The following AMIGO2 variants were observed in gnomAD, a reference collection of about 807,000 sequenced individuals.
AMIGO2 encodes the protein amphoterin-induced protein 2.
AMIGO2 carries 15 observed loss-of-function variants against 23.7 expected under a neutral mutation model. The ratio of observed to expected loss-of-function variants is 0.63; its 90% confidence interval spans 0.42 to 0.98. The LOEUF (loss-of-function observed/expected upper bound fraction) is 0.98, where lower values mean the gene tolerates loss of function less well. AMIGO2 is among the 50% of genes least tolerant of loss of function. The pLI is 0.00. For synonymous variants in AMIGO2, 264 were observed against 252.3 expected, an observed-to-expected ratio of 1.05 and a Z score of -0.44; for missense variants, 561 against 633.1, an observed-to-expected ratio of 0.89 and a Z score of 1.22.
downstream of AMIGO2, chr12:47,076,264 G>A (rs1941854269): frequency 6.6e-6 from 1 of 152,162 alleles, no homozygotes; most frequent in Non-Finnish European, 1.5e-5. Flanking sequence ...TTGCCTCAAA[G>A]CAGAGACAGG....
chr12:47,078,363 A>C lies in AMIGO2; in HGVS notation c.640T>G (p.Leu214Val), dbSNP rs750585684. The part of the protein sequence containing the change: ...IPSMPMHHIN[L>V]VPGKQLRGIY... ...CCTCTCAGCTGTTTTCCTGGCACTA[A>C]ATTTATGTGGTGCATTGGCATGGAA... The change falls in exon 3 of 3, where the codon TTA becomes GTA. Residue 214 changes from leucine (L) to valine (V), a missense_variant. Coordinates refer to ENST00000550413, the MANE Select transcript of AMIGO2 (RefSeq NM_001370299.1). The C allele has an allele frequency of 6.2e-7, 1 of 1,613,942 alleles. No homozygotes were observed. The highest frequency in any genetic ancestry group is 8.5e-7 in the Non-Finnish European group (1 of 1,180,024).
rs778412775 is a variant in AMIGO2 at position 47,078,885 on chromosome 12, C to T, written c.118G>A (p.Val40Met). 6.2e-6 allele frequency: 10 copies of T among 1,614,060 alleles called. No individual in the cohort carries two copies. The highest frequency in any genetic ancestry group is 2.2e-5 in the East Asian group (1 of 44,894). Reference protein sequence around the residue: ...TVTVGPGASGVCPTACICATD... With the variant: ...TVTVGPGASGMCPTACICATD... ...GCACAGATGCAAGCGGTGGGGCACA[C>T]CCCAGAGGCACCAGGGCCCACAGTC... Residue 40 changes from valine to methionine, a missense_variant, in exon 3 of 3, where the codon GTG (valine) becomes ATG (methionine). Physicochemically the swap from Val to Met is conservative, Grantham distance 21 (BLOSUM62 1). Transcript: ENST00000550413.
At chr12:47,076,374 T>C (rs1005359627), downstream of AMIGO2, 1 of 152,424 alleles carries the variant, frequency 6.6e-6, no homozygotes, top group South Asian at 2.1e-4. Flanking sequence ...TAAAACGTCA[T>C]ACGGAAGGTA....
At position 47,079,213 on chromosome 12, in the gene AMIGO2, T is replaced by C; in HGVS notation, c.-135A>G. The C allele has an allele frequency of 1.7e-6, 1 of 582,348 alleles. No individual in the cohort carries two copies. Among genetic ancestry groups the C allele is most frequent in the Non-Finnish European group, 2.8e-6 (1 of 357,322 alleles). 36.1% of individuals were successfully genotyped at this position (582,348 alleles called of 1,614,324 possible). A position where few individuals can be genotyped will look rare whatever the true frequency, so the allele number is the denominator to read the frequency against. ...AGGGAGCTCTGTGTTGCCTCTTCAC[T>C]GTTAAATGTATTTTTTCCTCTTTCC... On this transcript the variant is annotated 5_prime_UTR_variant, in exon 2 of 3. Transcript: ENST00000550413.
rs1470934096 is a variant in AMIGO2 at position 47,079,220 on chromosome 12, T to C, written c.-142A>G. 2 of 563,122 alleles carry C rather than the reference T, an allele frequency of 3.6e-6. No homozygotes were observed. The highest frequency in any genetic ancestry group is 6.3e-5 in the East Asian group (2 of 31,848). 34.9% of individuals were successfully genotyped at this position (563,122 alleles called of 1,614,324 possible). A position where few individuals can be genotyped will look rare whatever the true frequency, so the allele number is the denominator to read the frequency against. On this transcript the variant is annotated 5_prime_UTR_variant, in exon 2 of 3. Coordinates refer to ENST00000550413, the MANE Select transcript of AMIGO2 (RefSeq NM_001370299.1). ...TCTGTGTTGCCTCTTCACTGTTAAA[T>C]GTATTTTTTCCTCTTTCCTGGGTTA...
At position 47,077,459 on chromosome 12, in the gene AMIGO2, TC is replaced by T; in HGVS notation, c.1543del (p.Asp515ThrfsTer20). The T allele has an allele frequency of 6.2e-7, 1 of 1,613,622 alleles. No individual in the cohort carries two copies. Among genetic ancestry groups the T allele is most frequent in the Non-Finnish European group, 8.5e-7 (1 of 1,179,588 alleles). On this transcript the variant is annotated frameshift_variant, in exon 3 of 3. Transcript: ENST00000550413. LOFTEE classifies it high-confidence loss of function. ...DSDSVNSVFSDTPFVAST is the reference protein window; with the variant it reads ...DSDSVNSVFSXTPFVAST ...TTAAGTGGACGCCACAAAAGGTGTG[TC>T]AGAAAACACTGAATTGACTGAATCT...
rs1204929829 is a variant in AMIGO2, at chr12:47,078,749, G to A, written c.254C>T (p.Ser85Phe). ...TGCAAACGATACTGGAATCCACTCA[G>A]AATCCAGAAGCCCAATTCTGTTATA... ...LSYNRIGLLDSEWIPVSFAKL... is the reference protein window; with the variant it reads ...LSYNRIGLLDFEWIPVSFAKL... The change falls in exon 3 of 3, where the codon TCT (serine) becomes TTT (phenylalanine). Residue 85 changes from serine (S) to phenylalanine (F), a missense_variant. Transcript: ENST00000550413. The A allele has an allele frequency of 1.2e-6, 2 of 1,614,112 alleles. No homozygotes were observed. The highest frequency in any genetic ancestry group is 1.7e-6 in the Non-Finnish European group (2 of 1,180,056).
In AMIGO2 at chr12:47,077,737, G is replaced by A; in HGVS notation, c.1266C>T (p.Cys422=). 6.2e-7 allele frequency: 1 copy of A among 1,614,202 alleles called. No individual in the cohort carries two copies. Among genetic ancestry groups the A allele is most frequent in the Non-Finnish European group, 8.5e-7 (1 of 1,180,042 alleles). The stretch of plus-strand genomic sequence containing the variant: ...GTCTCTTGGTTTTACACTTGCAGGG[G>A]CATGGAGTCAGATAGAGGTACAAAA... The part of the protein sequence containing the change: ...LVLLYLYLTP[C]PCKCKTKRQK... The change falls in exon 3 of 3, where the codon TGC becomes TGT. Residue 422 remains cysteine (C), a synonymous_variant. Transcript: ENST00000550413.
At position 47,078,355 on chromosome 12, in the gene AMIGO2, T is replaced by C. The variant is rs1309357191; in HGVS notation, c.648A>G (p.Pro216=). 6.2e-7 allele frequency: 1 copy of C among 1,613,846 alleles called. No homozygotes were observed. The highest frequency in any genetic ancestry group is 8.5e-7 in the Non-Finnish European group (1 of 1,180,048). The change falls in exon 3 of 3, where the codon CCA becomes CCG. Residue 216 remains proline, a synonymous_variant. Transcript: ENST00000550413. ...GGTAGATGCCTCTCAGCTGTTTTCCTGGCACTAAATTTATGTGGTGCATTG... is the reference window on the plus strand; with the variant it reads ...GGTAGATGCCTCTCAGCTGTTTTCCCGGCACTAAATTTATGTGGTGCATTG... ...SMPMHHINLV[P]GKQLRGIYLH...
chr12:47,079,240 G>T lies in AMIGO2; in HGVS notation c.-162C>A. 2.1e-6 allele frequency: 1 copy of T among 481,380 alleles called. No homozygotes were observed. Among genetic ancestry groups the T allele is most frequent in the Non-Finnish European group, 3.5e-6 (1 of 282,496 alleles). The allele number at this position is 481,380 out of a possible 1,614,324, so 29.8% of individuals were successfully genotyped here. On this transcript the variant is annotated 5_prime_UTR_variant, in exon 2 of 3. Coordinates refer to ENST00000550413, the MANE Select transcript of AMIGO2 (RefSeq NM_001370299.1). ...TTAAATGTATTTTTTCCTCTTTCCT[G>T]GGTTAGTCCTGCTTATAAAAATGTA...
chr12:47,075,766 G>A (rs1003228338), downstream of AMIGO2: 1 of 152,098 alleles, frequency 6.6e-6, no homozygotes, highest in African/African-American at 2.4e-5. Flanking sequence ...ATTTTTCACT[G>A]TTGCCCACTC....
At chr12:47,079,313 A>T in intron 1 of AMIGO2, 65 bp from the exon 2 acceptor site, 1 of 261,128 alleles carries the variant, frequency 3.8e-6, no homozygotes, top group Non-Finnish European at 7.1e-6. Flanking sequence ...ACCATCAGAA[A>T]CTCAATTTTT....
rs750290860 is a variant in AMIGO2, at chr12:47,077,542, G to C, written c.1461C>G (p.Pro487=). ...TGCCCTCAGCTATCACTGCCTCGCT[G>C]GGAAAGAGCCTGACTTTCCCGTTCT... ...AGQNGKVRLF[P]SEAVIAEGIL... is the part of the protein sequence containing the mutation. Residue 487 remains proline, a synonymous_variant, in exon 3 of 3, where the codon CCC becomes CCG. Transcript: ENST00000550413. The C allele has an allele frequency of 6.2e-7, 1 of 1,614,074 alleles. No homozygotes were observed. The highest frequency in any genetic ancestry group is 8.5e-7 in the Non-Finnish European group (1 of 1,180,042).
Position 47,077,662 on chromosome 12 carries a change from AG to A in AMIGO2, c.1340del (p.Pro447LeufsTer26). On this transcript the variant is annotated frameshift_variant, in exon 3 of 3. Transcript: ENST00000550413. LOFTEE classifies it high-confidence loss of function. ...CAGCGGAGGCATCACTAGCGGGGCCAGGACTGAGAATCGATGAATGGGCATT... is the reference window on the plus strand; with the variant it reads ...CAGCGGAGGCATCACTAGCGGGGCCAGACTGAGAATCGATGAATGGGCATT... ...QSNAHSSILS[P>X]GPASDASADE... is the part of the protein sequence containing the mutation. 6.2e-7 allele frequency: 1 copy of A among 1,614,242 alleles called. No individual in the cohort carries two copies. The highest frequency in any genetic ancestry group is 8.5e-7 in the Non-Finnish European group (1 of 1,180,046).
Position 47,078,997 on chromosome 12 carries a change from C to A in AMIGO2, c.6G>T (p.Ser2=). The A allele has an allele frequency of 1.3e-6, 2 of 1,591,950 alleles. No homozygotes were observed. Among genetic ancestry groups the A allele is most frequent in the Admixed American group, 1.7e-5 (1 of 57,982 alleles). Residue 2 remains serine (S), a synonymous_variant, in exon 3 of 3, where the codon TCG becomes TCT. Transcript: ENST00000550413. ...GGGTGGGCAGAGTGTGTACACGTAA[C>A]GACATTATGGTCGCCTCTGAGTCTC... The part of the protein sequence containing the change: M[S]LRVHTLPTLL...
rs887030124 is a variant in AMIGO2 at position 47,077,755 on chromosome 12, G to A, written c.1248C>T (p.Tyr416=). 4 of 1,614,058 alleles carry A rather than the reference G, an allele frequency of 2.5e-6. No individual in the cohort carries two copies. In the Admixed American group the frequency reaches 6.7e-5, roughly 27 times the overall value. The change falls in exon 3 of 3, where the codon TAC becomes TAT. Residue 416 remains tyrosine, a synonymous_variant. Coordinates refer to ENST00000550413, the MANE Select transcript of AMIGO2 (RefSeq NM_001370299.1). Reference sequence around the variant, plus strand: ...TGCAGGGGCATGGAGTCAGATAGAGGTACAAAAGTACCAAAACGATACTGG... The same window carrying A: ...TGCAGGGGCATGGAGTCAGATAGAGATACAAAAGTACCAAAACGATACTGG... The part of the protein sequence containing the change: ...CVASIVLVLL[Y]LYLTPCPCKC...
chr12:47,079,916 C>G lies in AMIGO2; in HGVS notation c.-625G>C, dbSNP rs1277422644. On this transcript the variant is annotated 5_prime_UTR_variant, in exon 1 of 3. Transcript: ENST00000550413. ...GAGACGGGCTGGGGCGCCGGTCCCA[C>G]CCCTGCGCGTCCTGCCTCCTGCGGG... 4 of 151,418 alleles carry G rather than the reference C, an allele frequency of 2.6e-5. No individual in the cohort carries two copies. The highest frequency in any genetic ancestry group is 5.9e-5 in the Non-Finnish European group (4 of 67,820). 9.4% of individuals were successfully genotyped at this position (151,418 alleles called of 1,614,324 possible).
rs1941878942 is a variant in AMIGO2 at position 47,077,779 on chromosome 12, G to A, written c.1224C>T (p.Ala408=). The change falls in exon 3 of 3, where the codon GCC becomes GCT. Residue 408 remains alanine (A), a synonymous_variant. Coordinates refer to ENST00000550413, the MANE Select transcript of AMIGO2 (RefSeq NM_001370299.1). ...GGTACAAAAGTACCAAAACGATACT[G>A]GCCACGCAAGCAGCAAGAGTGGTAA... The part of the protein sequence containing the change: ...TAFTTLAACV[A]SIVLVLLYLY... 3 of 1,614,044 alleles carry A rather than the reference G, an allele frequency of 1.9e-6. No homozygotes were observed. Among genetic ancestry groups the A allele is most frequent in the Non-Finnish European group, 2.5e-6 (3 of 1,180,026 alleles).
rs1415541629 is a variant in AMIGO2, at chr12:47,079,512, C to A, written c.-221G>T. ...GGGGAGGCTGCCTACGCAGTGCCTT[C>A]CGAAGGTCTGCGCGTCCGTCTGTCC... On this transcript the variant is annotated 5_prime_UTR_variant, in exon 1 of 3. Coordinates refer to ENST00000550413, the MANE Select transcript of AMIGO2 (RefSeq NM_001370299.1). The A allele has an allele frequency of 6.6e-6, 1 of 152,520 alleles. No homozygotes were observed. Among genetic ancestry groups the A allele is most frequent in the Admixed American group, 6.5e-5 (1 of 15,300 alleles). 9.4% of individuals were successfully genotyped at this position (152,520 alleles called of 1,614,324 possible). A position where few individuals can be genotyped will look rare whatever the true frequency, so the allele number is the denominator to read the frequency against.
Sources: allele counts gnomAD v4.1 joint callset, GRCh38; gene constraint gnomAD v4.1.1; transcripts MANE v1.5; gene names NCBI Gene and HGNC (gene_info 2026-07-23, HGNC 2026-07-21).